FKBP5: variants seen among roughly 807,000 people sequenced by gnomAD.
FKBP5 encodes the protein FKBP prolyl isomerase 5.
Under a neutral mutation model 50.5 loss-of-function variants are expected in FKBP5, and 23 were observed. The ratio of observed to expected loss-of-function variants is 0.46; its 90% confidence interval spans 0.33 to 0.65. The LOEUF is 0.65. Ranked by LOEUF, FKBP5 falls within the 30% of genes least tolerant of loss-of-function variation. FKBP5 has a pLI of 0.02. For missense variants in FKBP5, 411 were observed against 553.1 expected (o/e 0.74, Z 2.58); for synonymous variants, 176 against 190.6 (o/e 0.92, Z 0.63).
chr6:35,649,109 G>A lies in FKBP5; in HGVS notation c.-19-6266C>T, dbSNP rs191016418. 9.7e-3 allele frequency among the ~76,000 whole-genome samples: 1,474 copies of A among 152,012 alleles called. 11 individuals carry two copies. The highest frequency in any genetic ancestry group is 0.014 in the Non-Finnish European group (964 of 67,966). ...TACTAAAAATACAAAATATTAGCCG[G>A]GCGTGGTGGCGAGCGCCTGTAGTTC... On this transcript the variant is annotated intron_variant, in intron 1 of 10. Coordinates refer to ENST00000357266, the MANE Select transcript of FKBP5 (RefSeq NM_004117.4).
At chr6:35,589,569 G>A (rs1057238106) in intron 7 of FKBP5, among the ~76,000 whole-genome samples, 4 of 152,196 alleles carry the variant, frequency 2.6e-5, no homozygotes, top group African/African-American at 9.7e-5. Flanking sequence ...CAGGCTTGCT[G>A]TGGCACACCA....
intron 2 of FKBP5, among the ~76,000 whole-genome samples, chr6:35,719,114 G>T (rs1180979298): frequency 6.6e-6 from 1 of 152,216 alleles, no homozygotes. Flanking sequence ...GAGGGGTTGG[G>T]CTGGGTCTGA....
In FKBP5 at chr6:35,609,963, G is replaced by A. The variant is rs376590274; in HGVS notation, c.508+9133C>T. Among the ~76,000 whole-genome samples the A allele has an allele frequency of 8.5e-5, 13 of 152,078 alleles. No homozygotes were observed. In the South Asian group the frequency reaches 1.5e-3, roughly 17 times the overall value. On this transcript the variant is annotated intron_variant, in intron 5 of 10. Transcript: ENST00000357266. ...AGTCCATTTTAGTGCTGCTTTTTTC[G>A]TGATATTTGCTGATGATTCTTTGCT...
chr6:35,711,644 G>A (rs56224717), intron 2 of FKBP5, among the ~76,000 whole-genome samples: 5 of 150,986 alleles, frequency 3.3e-5, no homozygotes, highest in African/African-American at 1.2e-4. Context: ...GAGGAGAGGA[G>A]AGGAAAGGAA....
chr6:35,719,823 T>C (rs1766578252), intron 2 of FKBP5, among the ~76,000 whole-genome samples: 1 of 152,170 alleles, frequency 6.6e-6, no homozygotes, highest in Admixed American at 6.5e-5. Flanking sequence ...TTCTAGTGAA[T>C]TGAAGGAACA....
At position 35,694,194 on chromosome 6, in the gene FKBP5, G is replaced by A. The variant is rs369264966; in HGVS notation, c.-20+26134C>T. On this transcript the variant is annotated intron_variant, in intron 2 of 11. Transcript: ENST00000536438. ...AGGGTCTCACTCTGTCACCTAGGCC[G>A]GAGTGCGGTGGCGTGATCATGGCTC... is the stretch of plus-strand genomic sequence containing the variant. 4.6e-5 allele frequency among the ~76,000 whole-genome samples: 7 copies of A among 152,052 alleles called. No individual in the cohort carries two copies. The East Asian group carries it at 5.8e-4, about 13-fold the overall frequency.
At chr6:35,687,104 A>G (rs1765849270) in intron 1 of FKBP5, among the ~76,000 whole-genome samples, 1 of 152,238 alleles carries the variant, frequency 6.6e-6, no homozygotes. Context: ...ATAAACTAGC[A>G]TAATTAAATC....
intron 5 of FKBP5, chr6:35,607,988 TAA>T (rs375555392): frequency 6.0e-5 from 7 of 116,016 alleles, no homozygotes; most frequent in South Asian, 2.7e-4. Flanking sequence ...AGACTTGAAA[TAA>T]AAAAAAAAAA....
chr6:35,580,322 C>A, intron 8 of FKBP5, 101 bp from the exon 9 acceptor site: 3 of 901,540 alleles, frequency 3.3e-6, no homozygotes, highest in Non-Finnish European at 5.2e-6. Flanking sequence ...AACCCTGGTA[C>A]AGCTGGTTTC....
At chr6:35,600,285 C>T (rs1224977481) in intron 5 of FKBP5, among the ~76,000 whole-genome samples, 2 of 151,890 alleles carry the variant, frequency 1.3e-5, no homozygotes, top group African/African-American at 2.4e-5. Flanking sequence ...AGGGTGGTGA[C>T]GCACACCTAT....
At chr6:35,672,550 C>G (rs1231348249) in intron 1 of FKBP5, among the ~76,000 whole-genome samples, 1 of 151,252 alleles carries the variant, frequency 6.6e-6, no homozygotes, top group Non-Finnish European at 1.5e-5. Context: ...CACTTTTTAC[C>G]TCTCTAATCA....
At chr6:35,664,203 C>T (rs1765152608) in intron 1 of FKBP5, among the ~76,000 whole-genome samples, 1 of 152,068 alleles carries the variant, frequency 6.6e-6, no homozygotes, top group Admixed American at 6.6e-5. Flanking sequence ...TTGTATTAGC[C>T]AAGTTTTAAA....
Position 35,580,221 on chromosome 6 carries a change from C to A in FKBP5, c.841G>T (p.Gly281Ter). 1 of 1,607,310 alleles carries A rather than the reference C, an allele frequency of 6.2e-7. No homozygotes were observed. The highest frequency in any genetic ancestry group is 1.7e-5 in the Admixed American group (1 of 59,344). Residue 281 changes from glycine (G) to a stop codon, truncating the protein, a stop_gained and splice_region_variant, in exon 9 of 11, where the codon GGA (glycine) becomes TGA (stop). Coordinates refer to ENST00000357266, the MANE Select transcript of FKBP5 (RefSeq NM_004117.4). LOFTEE classifies it high-confidence loss of function. ...ATCACCGCCTGCATGTATTTGCCTC[C>A]CTAGGATAAAAAAGCGTCATTACTT... The part of the protein sequence containing the change: ...VKEKGTVYFK[G>*]GKYMQAVIQY...
chr6:35,629,758 C>G (rs919734204), intron 3 of FKBP5, among the ~76,000 whole-genome samples: 7 of 152,198 alleles, frequency 4.6e-5, no homozygotes, highest in Admixed American at 4.6e-4. Flanking sequence ...CCTAAATCAG[C>G]TCCTCCCTGA....
At chr6:35,617,005 A>T (rs1457792266) in intron 5 of FKBP5, among the ~76,000 whole-genome samples, 2 of 152,130 alleles carry the variant, frequency 1.3e-5, no homozygotes, top group Admixed American at 1.3e-4. Flanking sequence ...GCCTCACTGC[A>T]TAGGAAGGAA....
rs190824366 is a variant in FKBP5, at chr6:35,625,040, C to G, written c.251-4766G>C. On this transcript the variant is annotated intron_variant, in intron 3 of 10. Transcript: ENST00000357266. ...GGTTAAGCAAGCTTCTACACATTTC[C>G]TTAGGTTAAATTCCTAGATGTAGAA... 1.0e-3 allele frequency among the ~76,000 whole-genome samples: 159 copies of G among 152,282 alleles called. 1 individual carries two copies. The highest frequency in any genetic ancestry group is 1.9e-3 in the Non-Finnish European group (126 of 68,022).
At chr6:35,601,617 G>A (rs949303350) in intron 5 of FKBP5, among the ~76,000 whole-genome samples, 8 of 152,168 alleles carry the variant, frequency 5.3e-5, no homozygotes, top group Non-Finnish European at 1.2e-4. Context: ...CTCTGGCTGT[G>A]GAAGCCCTGT....
chr6:35,725,151 C>T (rs12203716), intron 1 of FKBP5, among the ~76,000 whole-genome samples: 21,423 of 152,138 alleles, frequency 0.14, 1,801 homozygotes, highest in Non-Finnish European at 0.18. Flanking sequence ...TTAAACTGGT[C>T]ACAACTCAGA....
chr6:35,638,272 G>A (rs887599734), intron 2 of FKBP5, among the ~76,000 whole-genome samples: 9 of 152,092 alleles, frequency 5.9e-5, no homozygotes, highest in African/African-American at 1.7e-4. Flanking sequence ...TTTGGGGAAG[G>A]AGTTTGCTTT....
Sources: gnomAD v4.1 joint callset for allele counts (sites outside exome capture counted in the v4.1 genomes callset) on GRCh38, gnomAD v4.1.1 for gene constraint, MANE v1.5 for transcripts, NCBI Gene and HGNC (gene_info 2026-07-23, HGNC 2026-07-21) for gene names.